The following NCAM1 variants were observed in gnomAD, a reference collection of about 807,000 sequenced individuals.
NCAM1 encodes the protein neural cell adhesion molecule 1.
NCAM1 carries 14 observed loss-of-function variants against 109.8 expected under a neutral mutation model. That is an observed-to-expected ratio of 0.13 (90% CI 0.08 to 0.20). The LOEUF is 0.20. Ranked by LOEUF, NCAM1 falls within the 10% of genes least tolerant of loss-of-function variation. The probability of loss-of-function intolerance (pLI) is 1.00; values close to 1 mark genes in which losing one functional copy is unlikely to be tolerated. For synonymous variants in NCAM1, 418 were observed against 442.9 expected (o/e 0.94, Z 0.70); for missense variants, 774 against 1,109.9 (o/e 0.70, Z 4.30).
chr11:112,978,893 A>G (rs996594684), intron 1 of NCAM1, among the ~76,000 whole-genome samples: 4 of 151,866 alleles, frequency 2.6e-5, no homozygotes, highest in Non-Finnish European at 5.9e-5. Flanking sequence ...AAAGTAGTTC[A>G]CTGAGTTAAA....
intron 1 of NCAM1, among the ~76,000 whole-genome samples, chr11:112,985,670 A>G (rs988097152): frequency 1.3e-5 from 2 of 151,776 alleles, no homozygotes; most frequent in Admixed American, 6.6e-5. Context: ...TTTTGATGCT[A>G]TTTTAATGAG....
Position 113,057,316 on chromosome 11 carries a change from C to T in NCAM1, c.52+95652C>T, listed in dbSNP as rs1953747397. The stretch of plus-strand genomic sequence containing the variant: ...AAAGGCATTGAGGTTCTGGGAACTG[C>T]CAGCAATGAAGTGAGATAGTGAGGG... On this transcript the variant is annotated intron_variant, in intron 1 of 19. Coordinates refer to ENST00000316851, the MANE Select transcript of NCAM1 (RefSeq NM_181351.5). Among the ~76,000 whole-genome samples the T allele has an allele frequency of 3.3e-5, 5 of 150,634 alleles. No individual in the cohort carries two copies. In the South Asian group the frequency reaches 1.0e-3, roughly 32 times the overall value.
At chr11:113,152,951 G>A (rs1327093613) in intron 1 of NCAM1, among the ~76,000 whole-genome samples, 3 of 152,152 alleles carry the variant, frequency 2.0e-5, no homozygotes, top group Non-Finnish European at 2.9e-5. Flanking sequence ...TCTGGTATAA[G>A]AGAAGAATGA....
At chr11:113,234,846 T>C (rs1377867362) in intron 13 of NCAM1, among the ~76,000 whole-genome samples, 187 bp from the exon 14 acceptor site, 1 of 152,268 alleles carries the variant, frequency 6.6e-6, no homozygotes, top group Non-Finnish European at 1.5e-5. Context: ...GCTGTGAACA[T>C]GGACAGCCAG....
intron 1 of NCAM1, among the ~76,000 whole-genome samples, chr11:112,982,692 G>A (rs1373791549): frequency 1.3e-5 from 2 of 151,830 alleles, no homozygotes; most frequent in Non-Finnish European, 2.9e-5. Context: ...AGGAAAGAAT[G>A]GAGATTATTT....
chr11:113,231,624 C>G, intron 9 of NCAM1, 21 bp from the exon 10 acceptor site: 4 of 1,608,322 alleles, frequency 2.5e-6, no homozygotes, highest in Non-Finnish European at 3.4e-6. Flanking sequence ...GACATGCTCC[C>G]TTCCCCCCCA....
At chr11:113,167,283 C>T (rs4936265) in intron 1 of NCAM1, among the ~76,000 whole-genome samples, 31,779 of 152,052 alleles carry the variant, frequency 0.21, 4,193 homozygotes, top group East Asian at 0.37. Flanking sequence ...AGCTTCATCA[C>T]TCCCACACTT....
intron 1 of NCAM1, among the ~76,000 whole-genome samples, chr11:113,097,435 A>G (rs1591321892): frequency 2.0e-5 from 3 of 152,174 alleles, no homozygotes; most frequent in Non-Finnish European, 2.9e-5. Context: ...GTTGAGTTCA[A>G]CTGAAATGAG....
chr11:113,271,770 T>C lies in NCAM1; in HGVS notation c.2350T>C (p.Ser784Pro). The C allele has an allele frequency of 1.3e-6, 2 of 1,556,714 alleles. No individual in the cohort carries two copies. The highest frequency in any genetic ancestry group is 1.7e-6 in the Non-Finnish European group (2 of 1,150,252). ...GTACTGTCTCCACAGGAAAGATGAGTCCAAGGAGCCCATCGTGGAGGTTCG... is the reference window on the plus strand; with the variant it reads ...GTACTGTCTCCACAGGAAAGATGAGCCCAAGGAGCCCATCGTGGAGGTTCG... ...EGKAAFSKDE[S>P]KEPIVEVRTE... The change falls in exon 19 of 20, where the codon TCC becomes CCC. Residue 784 changes from serine to proline, a missense_variant. This residue lies in a region of NCAM1 where 122 missense variants were observed against 129.7 expected (regional missense o/e 0.94). Coordinates refer to ENST00000316851, the MANE Select transcript of NCAM1 (RefSeq NM_181351.5).
chr11:113,223,789 GC>G (rs1198841122), intron 9 of NCAM1, among the ~76,000 whole-genome samples: 8 of 152,296 alleles, frequency 5.3e-5, no homozygotes, highest in African/African-American at 1.9e-4. Flanking sequence ...AGTTCCCTCT[GC>G]CTGCAGTCCT....
intron 1 of NCAM1, among the ~76,000 whole-genome samples, chr11:113,106,043 ATTCAT>A (rs1940144201): frequency 6.6e-6 from 1 of 152,186 alleles, no homozygotes; most frequent in South Asian, 2.1e-4. Context: ...TTTTAAAATA[ATTCAT>A]TTATTTACTT....
At chr11:112,969,117 G>A (rs1950805891) in intron 1 of NCAM1, among the ~76,000 whole-genome samples, 1 of 152,170 alleles carries the variant, frequency 6.6e-6, no homozygotes, top group South Asian at 2.1e-4. Flanking sequence ...GCTTGGGGAA[G>A]AATTGCTTTC....
chr11:113,207,242 AC>A lies in NCAM1; in HGVS notation c.629-18del. The stretch of plus-strand genomic sequence containing the variant: ...TCCAAATTTTCACAACCACCCCATG[AC>A]ACCCTTTTTTCCTTCAGTGCCACCT... On this transcript the variant is annotated intron_variant, in intron 5 of 19. Transcript: ENST00000316851. 6.2e-7 allele frequency: 1 copy of A among 1,605,700 alleles called. No individual in the cohort carries two copies. Among genetic ancestry groups the A allele is most frequent in the Non-Finnish European group, 8.5e-7 (1 of 1,172,538 alleles).
rs1412402776 is a variant in NCAM1 at position 112,961,682 on chromosome 11, T to A, written c.52+18T>A. Reference sequence around the variant, plus strand: ...AACTGCAGGTACATTTTTTTTTTTTTTAATTCTCAATCTGGTTTGCTAATT... The same window carrying A: ...AACTGCAGGTACATTTTTTTTTTTTATAATTCTCAATCTGGTTTGCTAATT... On this transcript the variant is annotated intron_variant, in intron 1 of 19. Transcript: ENST00000316851. 13 of 1,396,520 alleles carry A rather than the reference T, an allele frequency of 9.3e-6. No individual in the cohort carries two copies. Among genetic ancestry groups the A allele is most frequent in the South Asian group, 1.2e-5 (1 of 80,960 alleles). The allele number at this position is 1,396,520 out of a possible 1,614,324, so 86.5% of individuals were successfully genotyped here. A position where few individuals can be genotyped will look rare whatever the true frequency, so the allele number is the denominator to read the frequency against.
At chr11:113,261,947 A>G (rs1010321127) in intron 17 of NCAM1, among the ~76,000 whole-genome samples, 8 of 152,118 alleles carry the variant, frequency 5.3e-5, no homozygotes, top group African/African-American at 1.9e-4. Context: ...CCTGCTGGAG[A>G]TATCAGAATC....
chr11:113,148,409 A>G (rs2136247168), intron 1 of NCAM1, among the ~76,000 whole-genome samples: 1 of 145,806 alleles, frequency 6.9e-6, no homozygotes, highest in East Asian at 2.0e-4. Flanking sequence ...AGTTAACTAG[A>G]TCAAACTCCA....
At chr11:113,004,770 G>A (rs1480341007) in intron 1 of NCAM1, among the ~76,000 whole-genome samples, 1 of 150,964 alleles carries the variant, frequency 6.6e-6, no homozygotes, top group African/African-American at 2.4e-5. Context: ...GATTTTTGCA[G>A]TCTGAAACCC....
intron 1 of NCAM1, among the ~76,000 whole-genome samples, chr11:113,147,165 A>G (rs1446289648): frequency 6.6e-6 from 1 of 152,232 alleles, no homozygotes; most frequent in Non-Finnish European, 1.5e-5. Flanking sequence ...AATTCGGTTT[A>G]TCTGTTCCTA....
intron 6 of NCAM1, 41 bp downstream of exon 6, chr11:113,207,419 G>A: frequency 2.0e-6 from 3 of 1,514,932 alleles, no homozygotes; most frequent in African/African-American, 2.7e-5. Context: ...GACTAGAGGA[G>A]AATGGGGCAT....
Sources: allele counts gnomAD v4.1 joint callset (sites outside exome capture counted in the v4.1 genomes callset), GRCh38; gene constraint gnomAD v4.1.1; regional missense constraint gnomAD v4.1.1; transcripts MANE v1.5; gene names NCBI Gene and HGNC (gene_info 2026-07-23, HGNC 2026-07-21).